CERCAM: variants seen among roughly 807,000 people sequenced by gnomAD.
The protein encoded by CERCAM is inactive glycosyltransferase 25 family member 3.
Under a neutral mutation model 66.0 loss-of-function variants are expected in CERCAM, and 59 were observed. The observed-to-expected ratio is 0.89, with a 90% CI of 0.73 to 1.11. The LOEUF (loss-of-function observed/expected upper bound fraction) is 1.11, where lower values mean the gene tolerates loss of function less well. Ranked by LOEUF, CERCAM falls within the 50% of genes most tolerant of loss-of-function variation. The pLI is 0.00. For synonymous variants in CERCAM, 318 were observed against 343.6 expected, an observed-to-expected ratio of 0.93 and a Z score of 0.83; for missense variants, 840 against 828.3, an observed-to-expected ratio of 1.01 and a Z score of -0.17.
intron 8 of CERCAM, among the ~76,000 whole-genome samples, chr9:128,429,862 C>T (rs1233565621): frequency 6.6e-6 from 1 of 151,836 alleles, no homozygotes; most frequent in Non-Finnish European, 1.5e-5. Flanking sequence ...AATCTTGGCT[C>T]ACTGCAACAT....
At chr9:128,424,765 CTTT>C (rs767789425) in intron 5 of CERCAM, 151 bp downstream of exon 5, 1,326 of 567,858 alleles carry the variant, frequency 2.3e-3, no homozygotes, top group Middle Eastern at 3.3e-3. Flanking sequence ...TTTTCTCTCT[CTTT>C]TTTTTTTTTT....
intron 3 of CERCAM, among the ~76,000 whole-genome samples, chr9:128,423,854 A>G (rs1833772562): frequency 6.6e-6 from 1 of 152,188 alleles, no homozygotes; most frequent in Non-Finnish European, 1.5e-5. Flanking sequence ...GGATCTCTGA[A>G]CTAGAGCTCA....
At position 128,423,213 on chromosome 9, in the gene CERCAM, A is replaced by G; in HGVS notation, c.376A>G (p.Lys126Glu). Residue 126 changes from lysine (K) to glutamate (E), a missense_variant, in exon 3 of 13, where the codon AAG (lysine) becomes GAG (glutamate). By Grantham distance (56) the Lys-to-Glu change is moderately conservative. Coordinates refer to ENST00000372838, the MANE Select transcript of CERCAM (RefSeq NM_016174.5). ...AAGGCACCAGTTTCTGATGGAGCTG[A>G]AGCAGGAAGCCCTCACCTTTGCCAG... The part of the protein sequence containing the change: ...KERHQFLMEL[K>E]QEALTFARNW... 2 of 1,614,130 alleles carry G rather than the reference A, an allele frequency of 1.2e-6. No individual in the cohort carries two copies. Among genetic ancestry groups the G allele is most frequent in the Non-Finnish European group, 1.7e-6 (2 of 1,180,032 alleles).
rs761858256 is a variant in CERCAM at position 128,435,791 on chromosome 9, C to T, written c.1674C>T (p.Asp558=). The T allele has an allele frequency of 3.1e-6, 5 of 1,612,762 alleles. No homozygotes were observed. In the Admixed American group the frequency reaches 8.3e-5, roughly 27 times the overall value. The change falls in exon 12 of 13, where the codon GAC becomes GAT. Residue 558 remains aspartate, a synonymous_variant. Coordinates refer to ENST00000372838, the MANE Select transcript of CERCAM (RefSeq NM_016174.5). The part of the protein sequence containing the change: ...DTETSSPWDD[D]SGRLISWSGS... The stretch of plus-strand genomic sequence containing the variant: ...AGACATCCTCTCCATGGGATGATGA[C>T]AGCGGCCGCCTCATCAGCTGGAGCG...
intron 3 of CERCAM, among the ~76,000 whole-genome samples, 185 bp downstream of exon 3, chr9:128,423,448 C>T (rs1833760158): frequency 1.3e-5 from 2 of 152,072 alleles, no homozygotes; most frequent in South Asian, 4.1e-4. Context: ...GATACCCCAT[C>T]TCTACTAAAA....
chr9:128,424,030 C>T (rs1833776543), intron 3 of CERCAM, 108 bp from the exon 4 acceptor site: 1 of 1,264,520 alleles, frequency 7.9e-7, no homozygotes, highest in South Asian at 1.4e-5. Flanking sequence ...AGAGCATTCC[C>T]ACTGGATCCT....
intron 3 of CERCAM, 23 bp from the exon 4 acceptor site, chr9:128,424,103 GCAGGGCTGGAGC>G: frequency 6.2e-7 from 1 of 1,604,048 alleles, no homozygotes; most frequent in Non-Finnish European, 8.5e-7. Context: ...TGCAGCCCAG[GCAGGGCTGGAGC>G]CTGTGACGTC....
rs1215244138 is a variant in CERCAM, at chr9:128,437,214, C to T, written c.*366C>T. 6.6e-6 allele frequency: 1 copy of T among 152,248 alleles called. No homozygotes were observed. Among genetic ancestry groups the T allele is most frequent in the Non-Finnish European group, 1.5e-5 (1 of 68,024 alleles). 9.4% of individuals were successfully genotyped at this position (152,248 alleles called of 1,614,324 possible). ...TCTACCTCCACCTCAGCACCCTCCC[C>T]CAGCTTGATGTTTGGGTCTCCCCAG... On this transcript the variant is annotated 3_prime_UTR_variant, in exon 13 of 13. Transcript: ENST00000372838.
rs1159607485 is a variant in CERCAM, at chr9:128,435,882, C to T, written c.1765C>T (p.Pro589Ser). The T allele has an allele frequency of 6.2e-7, 1 of 1,606,322 alleles. No individual in the cohort carries two copies. Among genetic ancestry groups the T allele is most frequent in the African/African-American group, 1.3e-5 (1 of 74,980 alleles). ...LTGSSGHSLQPQPRDEL is the reference protein window; with the variant it reads ...LTGSSGHSLQSQPRDEL ...TGGCAGCAGCGGGCACAGCCTCCAA[C>T]CCCAGCCCCGAGATGAGCTCTAGGT... The change falls in exon 12 of 13, where the codon CCC (proline) becomes TCC (serine). Residue 589 changes from proline to serine, a missense_variant. By Grantham distance (74) the Pro-to-Ser change is moderately conservative. Transcript: ENST00000372838.
chr9:128,434,661 C>T lies in CERCAM; in HGVS notation c.1535+48C>T. The T allele has an allele frequency of 1.3e-6, 2 of 1,552,878 alleles. No homozygotes were observed. Among genetic ancestry groups the T allele is most frequent in the South Asian group, 1.1e-5 (1 of 88,246 alleles). On this transcript the variant is annotated intron_variant, in intron 11 of 12. Transcript: ENST00000372838. The surrounding 1 kb of genome is among the most constrained non-coding windows in gnomAD (Gnocchi z 4.5). ...GCATGGCAGGGCAGAGGCGTCCCCT[C>T]CAGGAACTCACCTCAGTCAGCAGGA...
chr9:128,436,043 TTTG>T (rs568138559), intron 12 of CERCAM, 138 bp downstream of exon 12: 118 of 1,039,888 alleles, frequency 1.1e-4, no homozygotes, highest in Non-Finnish European at 1.3e-4. Flanking sequence ...TGCCTTTATG[TTTG>T]TTGTTGTTGT....
At position 128,437,070 on chromosome 9, in the gene CERCAM, C is replaced by G. The variant is rs1834128513; in HGVS notation, c.*222C>G. The G allele has an allele frequency of 6.6e-6, 1 of 152,418 alleles. No homozygotes were observed. The highest frequency in any genetic ancestry group is 2.1e-4 in the South Asian group (1 of 4,830). The allele number at this position is 152,418 out of a possible 1,614,324, so 9.4% of individuals were successfully genotyped here. On this transcript the variant is annotated 3_prime_UTR_variant, in exon 13 of 13. Transcript: ENST00000372838. ...AGCAAAGGAGCAGGACTCCCAGGCC[C>G]CTGTACCCTGCCTGGCCTGATTCAG... is the stretch of plus-strand genomic sequence containing the variant.
At chr9:128,421,666 C>G (rs1322504992) in intron 1 of CERCAM, 5 of 339,124 alleles carry the variant, frequency 1.5e-5, no homozygotes, top group African/African-American at 2.3e-5. Context: ...GGAGCCTCTC[C>G]CCTCTGGCAT....
upstream of CERCAM, chr9:128,420,217 C>A (rs979006188): frequency 1.3e-5 from 2 of 152,318 alleles, no homozygotes; most frequent in African/African-American, 4.8e-5. This position sits in a 1 kb window ranked among gnomAD's most constrained non-coding sequence, Gnocchi z 5.0. Flanking sequence ...TGGCGACCGA[C>A]GCAAGGAGGT....
In CERCAM at chr9:128,422,978, G is replaced by A; in HGVS notation, c.308G>A (p.Arg103Lys). 6.2e-7 allele frequency: 1 copy of A among 1,613,764 alleles called. No individual in the cohort carries two copies. Among genetic ancestry groups the A allele is most frequent in the South Asian group, 1.1e-5 (1 of 91,070 alleles). The change falls in exon 2 of 13, where the codon AGG becomes AAG. Residue 103 changes from arginine to lysine, a missense_variant and splice_region_variant. Coordinates refer to ENST00000372838, the MANE Select transcript of CERCAM (RefSeq NM_016174.5). Reference protein sequence around the residue: ...AVVWRPEGEPRFYPDEEGPKH... With the variant: ...AVVWRPEGEPKFYPDEEGPKH... ...GTCTGGAGGCCTGAGGGCGAGCCCA[G>A]GTGGTGATCTGAGGGGAAGGGTGCT...
intron 1 of CERCAM, chr9:128,421,549 AG>A (rs1833709228): frequency 1.0e-6 from 1 of 985,486 alleles, no homozygotes; most frequent in East Asian, 1.1e-4. Flanking sequence ...CGGGCTGTGC[AG>A]GGGAGTCAGA....
At position 128,434,579 on chromosome 9, in the gene CERCAM, G is replaced by C. The variant is rs150918802; in HGVS notation, c.1501G>C (p.Glu501Gln). Residue 501 changes from glutamate (E) to glutamine (Q), a missense_variant, in exon 11 of 13, where the codon GAG (glutamate) becomes CAG (glutamine). By Grantham distance (29) the Glu-to-Gln change is conservative. Coordinates refer to ENST00000372838, the MANE Select transcript of CERCAM (RefSeq NM_016174.5). This position sits in a 1 kb window ranked among gnomAD's most constrained non-coding sequence, Gnocchi z 4.5. The part of the protein sequence containing the change: ...QPLRRMLPVD[E>Q]FLPIMFDQHP... Reference sequence around the variant, plus strand: ...TCTGCGCCGCATGCTGCCCGTGGACGAGTTCCTGCCCATCATGTTCGACCA... The same window carrying C: ...TCTGCGCCGCATGCTGCCCGTGGACCAGTTCCTGCCCATCATGTTCGACCA... 6.2e-7 allele frequency: 1 copy of C among 1,610,610 alleles called. No homozygotes were observed. Among genetic ancestry groups the C allele is most frequent in the Non-Finnish European group, 8.5e-7 (1 of 1,179,904 alleles).
Position 128,421,073 on chromosome 9 carries a change from T to G in CERCAM, c.196T>G (p.Trp66Gly). The part of the protein sequence containing the change: ...LDYPRARMAL[W>G]CATDHNVDNT... ...CTACCCCCGGGCCAGGATGGCCCTC[T>G]GGTGAGAGACCCGGGCATTGGCACC... The change falls in exon 1 of 13, where the codon TGG becomes GGG. Residue 66 changes from tryptophan (W) to glycine (G), a missense_variant and splice_region_variant. Physicochemically the swap from Trp to Gly is radical, Grantham distance 184. Coordinates refer to ENST00000372838, the MANE Select transcript of CERCAM (RefSeq NM_016174.5). The G allele has an allele frequency of 7.7e-7, 1 of 1,306,540 alleles. No homozygotes were observed. The highest frequency in any genetic ancestry group is 1.5e-5 in the African/African-American group (1 of 64,974). The allele number at this position is 1,306,540 out of a possible 1,614,324, so 80.9% of individuals were successfully genotyped here. A position where few individuals can be genotyped will look rare whatever the true frequency, so the allele number is the denominator to read the frequency against.
In CERCAM at chr9:128,431,223, T is replaced by A; in HGVS notation, c.1123T>A (p.Tyr375Asn). 1 of 1,614,028 alleles carries A rather than the reference T, an allele frequency of 6.2e-7. No homozygotes were observed. The highest frequency in any genetic ancestry group is 8.5e-7 in the Non-Finnish European group (1 of 1,179,992). ...RNLGVDLLPGYQDPYSGRTLT... is the reference protein window; with the variant it reads ...RNLGVDLLPGNQDPYSGRTLT... ...CCTCGGCGTAGACCTGCTCCCGGGC[T>A]ACCAGGACCCTTACTCGGGCCGCAC... The change falls in exon 9 of 13, where the codon TAC becomes AAC. Residue 375 changes from tyrosine to asparagine, a missense_variant. Transcript: ENST00000372838.
Sources: gnomAD v4.1 joint callset for allele counts (sites outside exome capture counted in the v4.1 genomes callset) on GRCh38, gnomAD v4.1.1 for gene constraint, Gnocchi (gnomAD v3.1) non-coding constraint, MANE v1.5 for transcripts, NCBI Gene and HGNC (gene_info 2026-07-23, HGNC 2026-07-21) for gene names.